Variants in SLC28A3 observed in about 807,000 individuals in gnomAD.
The protein encoded by SLC28A3 is solute carrier family 28 member 3.
Under a neutral mutation model 84.2 loss-of-function variants are expected in SLC28A3, and 68 were observed. The ratio of observed to expected loss-of-function variants is 0.81; its 90% CI spans 0.66 to 0.99. The LOEUF (loss-of-function observed/expected upper bound fraction) is 0.99, where lower values mean the gene tolerates loss of function less well. Among genes scored for constraint, SLC28A3 ranks in the 50% least tolerant of loss-of-function variants. The probability of loss-of-function intolerance (pLI) is 0.00; values close to 1 mark genes in which losing one functional copy is unlikely to be tolerated. For missense variants in SLC28A3, 712 were observed against 841.5 expected (o/e 0.85, Z 1.90); for synonymous variants, 267 against 303.6 (o/e 0.88, Z 1.25).
Position 84,299,638 on chromosome 9 carries a change from G to A in SLC28A3, c.612C>T (p.Phe204=), listed in dbSNP as rs561086050. 1.4e-5 allele frequency: 23 copies of A among 1,613,914 alleles called. No homozygotes were observed. Among genetic ancestry groups the A allele is most frequent in the Admixed American group, 5.0e-5 (3 of 59,978 alleles). Residue 204 remains phenylalanine (F), a synonymous_variant, in exon 6 of 18, where the codon TTC becomes TTT. Coordinates refer to ENST00000376238, the MANE Select transcript of SLC28A3 (RefSeq NM_001199633.2). ...AKLGQQQLVS[F]GGLIMYIVLL... is the part of the protein sequence containing the mutation. ...GGACAATGTACATTATGAGCCCACCGAAGGACACCAGCTGCTGTTGACCCA... is the reference window on the plus strand; with the variant it reads ...GGACAATGTACATTATGAGCCCACCAAAGGACACCAGCTGCTGTTGACCCA...
chr9:84,344,555 A>C (rs1301065286), upstream of SLC28A3, among the ~76,000 whole-genome samples: 1 of 152,144 alleles, frequency 6.6e-6, no homozygotes, highest in Non-Finnish European at 1.5e-5. Context: ...TAACATTATG[A>C]GACAAGGAAG....
At position 84,306,707 on chromosome 9, in the gene SLC28A3, A is replaced by T. The variant is rs1018291504; in HGVS notation, c.243-1362T>A. On this transcript the variant is annotated intron_variant, in intron 3 of 17. Coordinates refer to ENST00000376238, the MANE Select transcript of SLC28A3 (RefSeq NM_001199633.2). ...AGATGTCTATGAGCCATACAGCACT[A>T]TGAGTAGAACGTTGGATATTAAGGA... Among the ~76,000 whole-genome samples, 4 of 152,310 alleles carry T rather than the reference A, an allele frequency of 2.6e-5. No homozygotes were observed. In the East Asian group the frequency reaches 5.8e-4, roughly 22 times the overall value.
the SLC28A3 span, among the ~76,000 whole-genome samples, chr9:84,346,461 T>C: frequency 3.3e-5 from 5 of 152,224 alleles, no homozygotes; most frequent in African/African-American, 1.2e-4. Flanking sequence ...TGATGTGTTA[T>C]ATGTTCCAGA....
At chr9:84,320,081 G>A (rs1475210108) in intron 1 of SLC28A3, among the ~76,000 whole-genome samples, 5 of 97,536 alleles carry the variant, frequency 5.1e-5, no homozygotes, top group Non-Finnish European at 8.7e-5. Flanking sequence ...ACAGATTCTC[G>A]CTCTGATGCC....
chr9:84,350,480 A>T, the SLC28A3 span, among the ~76,000 whole-genome samples: 2 of 151,936 alleles, frequency 1.3e-5, no homozygotes, highest in African/African-American at 4.8e-5. Context: ...GTATAAAAAT[A>T]AAAAATGAAA....
At chr9:84,344,260 C>T (rs1827215487), upstream of SLC28A3, among the ~76,000 whole-genome samples, 1 of 146,516 alleles carries the variant, frequency 6.8e-6, no homozygotes, top group African/African-American at 2.6e-5. Flanking sequence ...CAGATCTCAG[C>T]TTACTGCAAC....
At chr9:84,303,793 T>C (rs1825707056) in intron 4 of SLC28A3, among the ~76,000 whole-genome samples, 1 of 152,222 alleles carries the variant, frequency 6.6e-6, no homozygotes, top group Admixed American at 6.5e-5. Context: ...CCTCAGGTCA[T>C]GGTAACACTG....
At chr9:84,342,703 C>T (rs573893330), upstream of SLC28A3, among the ~76,000 whole-genome samples, 47 of 152,128 alleles carry the variant, frequency 3.1e-4, 1 homozygote, top group South Asian at 9.8e-3. Context: ...ATTACAGGCA[C>T]TGTGCCTGGC....
intron 1 of SLC28A3, among the ~76,000 whole-genome samples, chr9:84,317,470 G>A (rs1283052893): frequency 1.3e-5 from 2 of 152,074 alleles, no homozygotes; most frequent in East Asian, 1.9e-4. Context: ...ACATGGGTGG[G>A]GACTCCTGCC....
At chr9:84,367,298 C>T in the SLC28A3 span, among the ~76,000 whole-genome samples, 14 of 152,210 alleles carry the variant, frequency 9.2e-5, no homozygotes, top group Non-Finnish European at 1.9e-4. Flanking sequence ...AATGGGCTCC[C>T]CTCTGGCCCA....
chr9:84,355,981 A>AT, the SLC28A3 span, among the ~76,000 whole-genome samples: 5 of 151,644 alleles, frequency 3.3e-5, no homozygotes, highest in East Asian at 1.9e-4. Context: ...CACCCAGCTA[A>AT]TTTTTTTTAA....
chr9:84,352,324 C>T, the SLC28A3 span, among the ~76,000 whole-genome samples: 1 of 152,018 alleles, frequency 6.6e-6, no homozygotes, highest in Non-Finnish European at 1.5e-5. Context: ...GTTGGGATTA[C>T]AGGCACCCGC....
the SLC28A3 span, among the ~76,000 whole-genome samples, chr9:84,353,984 C>T: frequency 6.6e-6 from 1 of 152,180 alleles, no homozygotes; most frequent in Non-Finnish European, 1.5e-5. Context: ...TTATCGGCTT[C>T]CTCTTATGAT....
intron 1 of SLC28A3, among the ~76,000 whole-genome samples, chr9:84,314,042 T>C (rs896258044): frequency 2.6e-5 from 4 of 152,116 alleles, no homozygotes; most frequent in African/African-American, 9.7e-5. Context: ...AGGTTTCCAC[T>C]CTCCTTTCTA....
the SLC28A3 span, among the ~76,000 whole-genome samples, chr9:84,348,558 C>T: frequency 6.6e-6 from 1 of 152,182 alleles, no homozygotes; most frequent in Non-Finnish European, 1.5e-5. Context: ...AGGAGAGTGT[C>T]TAGCATCATG....
At chr9:84,299,559 A>G in intron 6 of SLC28A3, 22 bp downstream of exon 6, 1 of 1,612,976 alleles carries the variant, frequency 6.2e-7, no homozygotes, top group Non-Finnish European at 8.5e-7. Context: ...AAAAGAACCT[A>G]AAAGATCAAC....
the SLC28A3 span, among the ~76,000 whole-genome samples, chr9:84,363,796 C>T: frequency 6.6e-6 from 1 of 151,936 alleles, no homozygotes; most frequent in Non-Finnish European, 1.5e-5. Context: ...CACTATGTTG[C>T]CCAGGCTGGT....
At chr9:84,297,777 C>A (rs904051931) in intron 7 of SLC28A3, 129 bp downstream of exon 7, 3 of 755,196 alleles carry the variant, frequency 4.0e-6, no homozygotes, top group Admixed American at 2.5e-5. Flanking sequence ...ATTTGTCTAA[C>A]CCATGATGCA....
rs143818984 is a variant in SLC28A3, at chr9:84,337,665, C to G, written c.60+2909G>C. Among the ~76,000 whole-genome samples, 975 of 152,224 alleles carry G rather than the reference C, an allele frequency of 6.4e-3. 9 individuals carry two copies. The highest frequency in any genetic ancestry group is 0.022 in the African/African-American group (929 of 41,544). ...GCAATACTTTAAATGCCAATCCGAACTTCCTTCATAAATAGCAAACGTCTT... is the reference window on the plus strand; with the variant it reads ...GCAATACTTTAAATGCCAATCCGAAGTTCCTTCATAAATAGCAAACGTCTT... On this transcript the variant is annotated intron_variant, in intron 1 of 17. Coordinates refer to ENST00000376238, the MANE Select transcript of SLC28A3 (RefSeq NM_001199633.2).
Sources: gnomAD v4.1 joint callset for allele counts (sites outside exome capture counted in the v4.1 genomes callset) on GRCh38, gnomAD v4.1.1 for gene constraint, MANE v1.5 for transcripts, NCBI Gene and HGNC (gene_info 2026-07-23, HGNC 2026-07-21) for gene names.